Variants in AOX1 observed in about 807,000 individuals in gnomAD.
AOX1 encodes the protein aldehyde oxidase.
In AOX1, 153 loss-of-function variants were observed where a neutral mutation model predicts 169.5. The observed-to-expected ratio is 0.90, with a 90% CI of 0.79 to 1.03. The LOEUF is 1.03. Among genes scored for constraint, AOX1 ranks in the 50% least tolerant of loss-of-function variants. The probability of loss-of-function intolerance (pLI) is 0.00; values close to 1 mark genes in which losing one functional copy is unlikely to be tolerated. For synonymous variants in AOX1, 562 were observed against 581.9 expected (o/e 0.97, Z 0.49); for missense variants, 1,656 against 1,663.9 (o/e 1.00, Z 0.08).
chr2:200,617,726 T>C (rs1379882442), intron 16 of AOX1, among the ~76,000 whole-genome samples: 1 of 152,106 alleles, frequency 6.6e-6, no homozygotes, highest in Non-Finnish European at 1.5e-5. Flanking sequence ...TATCTGGAAT[T>C]TTGCTTTTCA....
intron 25 of AOX1, among the ~76,000 whole-genome samples, chr2:200,648,940 AC>A (rs1468933034): frequency 1.4e-4 from 21 of 151,804 alleles, no homozygotes; most frequent in Non-Finnish European, 2.9e-4. Flanking sequence ...CCCAATGTGT[AC>A]CCCCCAACAG....
intron 1 of AOX1, among the ~76,000 whole-genome samples, chr2:200,591,522 G>A (rs1527944): frequency 0.16 from 24,924 of 152,188 alleles, 2,296 homozygotes; most frequent in Non-Finnish European, 0.21. Flanking sequence ...CAGTTCATCC[G>A]TGTGGCCTGA....
At chr2:200,619,342 C>T (rs6753383) in intron 16 of AOX1, among the ~76,000 whole-genome samples, 44,176 of 151,964 alleles carry the variant, frequency 0.29, 6,963 homozygotes, top group East Asian at 0.38. Flanking sequence ...TCTCTGACCT[C>T]AACCTGGCCA....
intron 10 of AOX1, among the ~76,000 whole-genome samples, chr2:200,606,054 T>C (rs756194623): frequency 6.6e-6 from 1 of 152,224 alleles, no homozygotes; most frequent in Non-Finnish European, 1.5e-5. Flanking sequence ...CATGAAGTCT[T>C]TGCCCATGCC....
At chr2:200,677,323 G>T (rs1471538149), downstream of AOX1, among the ~76,000 whole-genome samples, 1 of 152,144 alleles carries the variant, frequency 6.6e-6, no homozygotes, top group Admixed American at 6.6e-5. Context: ...GATGCAAAGC[G>T]ATTGTGTTGA....
chr2:200,587,148 C>A (rs113162694), intron 1 of AOX1, among the ~76,000 whole-genome samples: 109 of 150,880 alleles, frequency 7.2e-4, no homozygotes, highest in Middle Eastern at 3.5e-3. Flanking sequence ...CAAAAAAAAA[C>A]CGGTGTGGTG....
At chr2:200,628,123 G>A (rs1453951018) in intron 20 of AOX1, among the ~76,000 whole-genome samples, 1 of 152,006 alleles carries the variant, frequency 6.6e-6, no homozygotes, top group Non-Finnish European at 1.5e-5. Flanking sequence ...TTACATAAAA[G>A]TTGCAGAAAC....
intron 16 of AOX1, among the ~76,000 whole-genome samples, chr2:200,619,179 A>T (rs2034830353): frequency 2.0e-5 from 3 of 152,114 alleles, no homozygotes; most frequent in African/African-American, 7.2e-5. Flanking sequence ...CCCAGTAAAG[A>T]TTTTTAACCA....
chr2:200,642,941 C>A, intron 25 of AOX1, 140 bp downstream of exon 25: 5 of 796,742 alleles, frequency 6.3e-6, no homozygotes, highest in Non-Finnish European at 9.7e-6. Context: ...CTGGTTAATG[C>A]GGAGCCCAGA....
intron 26 of AOX1, among the ~76,000 whole-genome samples, chr2:200,654,168 A>C (rs1188808558): frequency 2.0e-5 from 3 of 147,530 alleles, no homozygotes; most frequent in African/African-American, 7.5e-5. Flanking sequence ...TAAGGAAGGC[A>C]CTGCACTCCA....
chr2:200,618,718 G>A (rs1053519632), intron 16 of AOX1, among the ~76,000 whole-genome samples: 8 of 152,106 alleles, frequency 5.3e-5, no homozygotes, highest in Non-Finnish European at 2.9e-5. Flanking sequence ...CACTCTTCTC[G>A]AGTTCCTGGA....
At chr2:200,612,356 G>C (rs977869886) in intron 13 of AOX1, among the ~76,000 whole-genome samples, 7 of 152,102 alleles carry the variant, frequency 4.6e-5, no homozygotes, top group Non-Finnish European at 1.0e-4. Context: ...CCACACACTG[G>C]GTGGCCTCAA....
rs1459302804 is a variant in AOX1, at chr2:200,627,378, T to A, written c.2150T>A (p.Phe717Tyr). The A allele has an allele frequency of 6.2e-7, 1 of 1,613,788 alleles. No individual in the cohort carries two copies. Among genetic ancestry groups the A allele is most frequent in the Non-Finnish European group, 8.5e-7 (1 of 1,179,718 alleles). The change falls in exon 20 of 35, where the codon TTC becomes TAC. Residue 717 changes from phenylalanine (F) to tyrosine (Y), a missense_variant. Transcript: ENST00000374700. The part of the protein sequence containing the change: ...IEESIQHNSS[F>Y]KPERKLEYGN... ...GAAAGTATACAACACAACTCCTCCT[T>A]CAAGCCAGAAAGGAAACTGGAATAT...
chr2:200,670,643 A>G lies in AOX1; in HGVS notation c.3981A>G (p.Glu1327=). The G allele has an allele frequency of 6.2e-7, 1 of 1,612,672 alleles. No individual in the cohort carries two copies. The highest frequency in any genetic ancestry group is 1.7e-5 in the Admixed American group (1 of 60,012). Residue 1327 remains glutamate, a synonymous_variant, in exon 35 of 35, where the codon GAA becomes GAG. Transcript: ENST00000374700. ...DKFTKMIPRD[E]PGSYVPWNVP... The stretch of plus-strand genomic sequence containing the variant: ...TTTTATTTTAGATTCCGAGAGATGA[A>G]CCTGGATCCTACGTTCCTTGGAATG...
At chr2:200,630,585 A>AGGAAGGAAGGAAGGAG (rs1234841299) in intron 20 of AOX1, among the ~76,000 whole-genome samples, 1 of 146,620 alleles carries the variant, frequency 6.8e-6, no homozygotes, top group Non-Finnish European at 1.5e-5. Context: ...GAAGGAAGGA[A>AGGAAGGAAGGAAGGAG]GGAAGGAAGG....
chr2:200,586,268 G>T, intron 1 of AOX1, 115 bp downstream of exon 1: 1 of 1,164,372 alleles, frequency 8.6e-7, no homozygotes, highest in South Asian at 1.6e-5. Flanking sequence ...ACTCAGGCAC[G>T]GACTGGCTTT....
In AOX1 at chr2:200,671,344, A is replaced by T. The variant is rs1262159312; in HGVS notation, c.*665A>T. 2 of 152,236 alleles carry T rather than the reference A, an allele frequency of 1.3e-5. No individual in the cohort carries two copies. Among genetic ancestry groups the T allele is most frequent in the African/African-American group, 4.8e-5 (2 of 41,468 alleles). 9.4% of individuals were successfully genotyped at this position (152,236 alleles called of 1,614,324 possible). The stretch of plus-strand genomic sequence containing the variant: ...CAACTCAATAAAAGGCAAGTAATTT[A>T]AAAATAGGCAAAAGAATTGCTGGAT... On this transcript the variant is annotated 3_prime_UTR_variant, in exon 35 of 35. Transcript: ENST00000374700.
At chr2:200,675,628 G>A (rs1053213674), downstream of AOX1, among the ~76,000 whole-genome samples, 1 of 152,034 alleles carries the variant, frequency 6.6e-6, no homozygotes, top group African/African-American at 2.4e-5. Flanking sequence ...TGAAGTCCAA[G>A]GATTTTCATG....
chr2:200,625,375 TA>T (rs1192026038), intron 19 of AOX1, among the ~76,000 whole-genome samples: 2 of 152,186 alleles, frequency 1.3e-5, no homozygotes, highest in Non-Finnish European at 2.9e-5. Flanking sequence ...CCACTCCCCC[TA>T]CCTTCCAGCC....
Sources: allele counts gnomAD v4.1 joint callset (sites outside exome capture counted in the v4.1 genomes callset), GRCh38; gene constraint gnomAD v4.1.1; transcripts MANE v1.5; gene names NCBI Gene and HGNC (gene_info 2026-07-23, HGNC 2026-07-21).